IFT56: variants seen among roughly 807,000 people sequenced by gnomAD.
IFT56 encodes intraflagellar transport protein 56.
the IFT56 span, among the ~76,000 whole-genome samples, chr7:139,186,671 A>G: frequency 1.6e-4 from 25 of 152,202 alleles, no homozygotes; most frequent in Non-Finnish European, 1.5e-5. Flanking sequence ...GAACATGATC[A>G]AATTAGCATA....
chr7:139,172,507 A>C, the IFT56 span: 2 of 455,246 alleles, frequency 4.4e-6, no homozygotes, highest in African/African-American at 2.0e-5. Flanking sequence ...CAGAACCATC[A>C]ACACTGTAAT....
the IFT56 span, chr7:139,178,496 T>G: frequency 6.2e-7 from 1 of 1,604,882 alleles, no homozygotes; most frequent in Non-Finnish European, 8.5e-7. Flanking sequence ...GTGTGACCTG[T>G]TCTTGGGATG....
At chr7:139,171,418 A>C in the IFT56 span, among the ~76,000 whole-genome samples, 8 of 152,226 alleles carry the variant, frequency 5.3e-5, no homozygotes, top group Admixed American at 4.6e-4. Context: ...AACTGGAGGA[A>C]TCACTGTACC....
At chr7:139,149,098 G>A in the IFT56 span, among the ~76,000 whole-genome samples, 1 of 151,908 alleles carries the variant, frequency 6.6e-6, no homozygotes, top group South Asian at 2.1e-4. Context: ...AAGGTCAGGA[G>A]ATCGAGACCA....
chr7:139,148,213 C>G, the IFT56 span: 1 of 1,609,446 alleles, frequency 6.2e-7, no homozygotes, highest in East Asian at 2.2e-5. Flanking sequence ...TAGGGAATAC[C>G]TTGCCCTTAA....
chr7:139,161,114 C>T, the IFT56 span: 1 of 1,166,664 alleles, frequency 8.6e-7, no homozygotes, highest in East Asian at 2.4e-5. Context: ...GGAGATGCGC[C>T]AGCAAGTAAT....
At chr7:139,160,877 C>A in the IFT56 span, 4 of 1,106,782 alleles carry the variant, frequency 3.6e-6, no homozygotes, top group East Asian at 2.4e-5. Context: ...AATTATAAAC[C>A]ATTGTGTCAA....
chr7:139,139,599 A>AC, the IFT56 span, among the ~76,000 whole-genome samples: 6 of 152,222 alleles, frequency 3.9e-5, no homozygotes, highest in African/African-American at 1.4e-4. Flanking sequence ...AGTTAGCAGA[A>AC]ATAAAATAGT....
the IFT56 span, among the ~76,000 whole-genome samples, chr7:139,136,553 C>G: frequency 6.6e-6 from 1 of 152,086 alleles, no homozygotes. Flanking sequence ...AGGGCTCACA[C>G]GAGTCTCCCA....
At chr7:139,146,859 G>A in the IFT56 span, 4 of 524,000 alleles carry the variant, frequency 7.6e-6, no homozygotes, top group East Asian at 1.9e-4. Flanking sequence ...AAAGGAAAGG[G>A]AGAAAATATA....
the IFT56 span, chr7:139,173,978 G>A: frequency 1.5e-6 from 1 of 651,442 alleles, no homozygotes. Context: ...CAGAGGAACT[G>A]CTTAATGAAT....
the IFT56 span, chr7:139,148,114 C>A: frequency 1.7e-6 from 2 of 1,193,862 alleles, no homozygotes; most frequent in Non-Finnish European, 2.4e-6. Flanking sequence ...GGTTCATGAA[C>A]TGTCCTCTTT....
chr7:139,157,747 C>T, the IFT56 span, among the ~76,000 whole-genome samples: 1 of 152,064 alleles, frequency 6.6e-6, no homozygotes, highest in South Asian at 2.1e-4. Flanking sequence ...CTCAAGCGAT[C>T]CGCCTGCCTT....
the IFT56 span, among the ~76,000 whole-genome samples, chr7:139,151,706 G>C: frequency 6.6e-6 from 1 of 152,178 alleles, no homozygotes; most frequent in Non-Finnish European, 1.5e-5. Context: ...AGATTTTGTA[G>C]GCTGAAAAAT....
chr7:139,173,690 T>A, the IFT56 span: 4 of 771,876 alleles, frequency 5.2e-6, no homozygotes, highest in South Asian at 5.4e-5. Context: ...TGGCATAGCA[T>A]GATGGTGACG....
the IFT56 span, among the ~76,000 whole-genome samples, chr7:139,184,339 G>A: frequency 2.7e-4 from 41 of 152,300 alleles, no homozygotes; most frequent in African/African-American, 7.9e-4. Flanking sequence ...GGGAGTCCCT[G>A]TTGCATTTGC....
At chr7:139,150,577 G>GTAGAAGGCTATGTCAAATGA in the IFT56 span, among the ~76,000 whole-genome samples, 2 of 152,152 alleles carry the variant, frequency 1.3e-5, no homozygotes, top group Non-Finnish European at 2.9e-5. Context: ...TACTCCAGCA[G>GTAGAAGGCTATGTCAAATGA]TAGAAGGCTA....
the IFT56 span, among the ~76,000 whole-genome samples, chr7:139,175,513 C>T: frequency 6.6e-6 from 1 of 152,226 alleles, no homozygotes; most frequent in South Asian, 2.1e-4. Flanking sequence ...AAGTGTGGTA[C>T]ATATGCACAA....
chr7:139,135,302 A>AAAC, the IFT56 span, among the ~76,000 whole-genome samples: 2 of 139,530 alleles, frequency 1.4e-5, no homozygotes, highest in African/African-American at 3.1e-5. Flanking sequence ...AAAAAAACAA[A>AAAC]ACAAAACTTA....
Sources: allele counts gnomAD v4.1 joint callset (sites outside exome capture counted in the v4.1 genomes callset), GRCh38; gene constraint gnomAD v4.1.1; transcripts MANE v1.5; gene names NCBI Gene and HGNC (gene_info 2026-07-23, HGNC 2026-07-21).